Variants in ABCA13 observed in about 807,000 individuals in gnomAD.
ABCA13 encodes the protein ATP-binding cassette sub-family A member 13.
Under a neutral mutation model 478.7 loss-of-function variants are expected in ABCA13, and 476 were observed. The observed-to-expected ratio is 0.99, with a 90% CI of 0.92 to 1.07. ABCA13 has a LOEUF of 1.07. Ranked by LOEUF, ABCA13 falls within the 50% of genes least tolerant of loss-of-function variation. ABCA13 has a pLI of 0.00. For missense variants in ABCA13, 6,060 were observed against 5,910.6 expected (o/e 1.03, Z -0.83); for synonymous variants, 2,252 against 2,158.9 (o/e 1.04, Z -1.20).
chr7:48,258,727 T>A (rs1362448400), intron 15 of ABCA13, among the ~76,000 whole-genome samples: 2 of 152,166 alleles, frequency 1.3e-5, no homozygotes, highest in Non-Finnish European at 2.9e-5. Context: ...TATATCTTTC[T>A]AAATTTTTGA....
chr7:48,269,238 A>C, intron 16 of ABCA13, 144 bp downstream of exon 16: 1 of 567,700 alleles, frequency 1.8e-6, no homozygotes, highest in South Asian at 2.4e-5. Context: ...CTGTTCAATA[A>C]ATATTCCTTT....
chr7:48,431,010 G>C (rs1822068952), intron 42 of ABCA13, among the ~76,000 whole-genome samples: 1 of 151,990 alleles, frequency 6.6e-6, no homozygotes, highest in Non-Finnish European at 1.5e-5. Context: ...TGCTTCAGCT[G>C]TACCCTGTAA....
At chr7:48,368,451 A>G (rs1033710284) in intron 32 of ABCA13, among the ~76,000 whole-genome samples, 1 of 151,820 alleles carries the variant, frequency 6.6e-6, no homozygotes, top group Non-Finnish European at 1.5e-5. Context: ...TCTTTTATCA[A>G]TCACCATCCC....
intron 42 of ABCA13, among the ~76,000 whole-genome samples, chr7:48,452,311 G>T (rs1287073603): frequency 6.6e-6 from 1 of 152,152 alleles, no homozygotes; most frequent in Non-Finnish European, 1.5e-5. Flanking sequence ...ATTCAGAGAG[G>T]TTAAATAATG....
At chr7:48,543,121 T>C (rs948839614) in intron 55 of ABCA13, among the ~76,000 whole-genome samples, 3 of 151,802 alleles carry the variant, frequency 2.0e-5, no homozygotes, top group African/African-American at 2.4e-5. Flanking sequence ...ACATTGTTTA[T>C]TCAATAAGGA....
chr7:48,387,826 A>G lies in ABCA13; in HGVS notation c.11340A>G (p.Thr3780=), dbSNP rs1217072507. 1 of 1,574,216 alleles carries G rather than the reference A, an allele frequency of 6.4e-7. No individual in the cohort carries two copies. The highest frequency in any genetic ancestry group is 1.4e-5 in the African/African-American group (1 of 72,876). The stretch of plus-strand genomic sequence containing the variant: ...TTTAATTGTTTCATTTTTTAGGAAC[A>G]TTTGGTTTACGGAAACCATGGTATT... The part of the protein sequence containing the change: ...GWYLSNLIPG[T]FGLRKPWYFP... Residue 3780 remains threonine, a synonymous_variant, in exon 36 of 62, where the codon ACA becomes ACG. Transcript: ENST00000435803.
At position 48,278,293 on chromosome 7, in the gene ABCA13, A is replaced by C. The variant is rs1393719248; in HGVS notation, c.7099A>C (p.Asn2367His). 2.5e-6 allele frequency: 4 copies of C among 1,612,486 alleles called. No homozygotes were observed. The African/African-American group carries it at 5.3e-5, about 22-fold the overall frequency. ...QGLKFMQDLF[N>H]ALLRETSMKN... ...ACTGAAGTTCATGCAAGATTTATTTAATGCCCTTCTCAGGGAAACTTCAAT... is the reference window on the plus strand; with the variant it reads ...ACTGAAGTTCATGCAAGATTTATTTCATGCCCTTCTCAGGGAAACTTCAAT... The change falls in exon 18 of 62, where the codon AAT (asparagine) becomes CAT (histidine). Residue 2367 changes from asparagine (N) to histidine (H), a missense_variant. Physicochemically the swap from Asn to His is moderately conservative, Grantham distance 68. This residue lies in a region of ABCA13 where 4,423 missense variants were observed against 4,309.1 expected (regional missense o/e 1.03). Transcript: ENST00000435803.
chr7:48,362,972 A>G (rs1811119120), intron 31 of ABCA13, among the ~76,000 whole-genome samples: 1 of 152,114 alleles, frequency 6.6e-6, no homozygotes. Context: ...TGTTTTTCAT[A>G]TCATTTCTGC....
chr7:48,640,828 C>A (rs1795053210), intron 59 of ABCA13, among the ~76,000 whole-genome samples: 1 of 152,104 alleles, frequency 6.6e-6, no homozygotes, highest in Admixed American at 6.5e-5. Context: ...AGGTGCCATG[C>A]TTTTATAATT....
rs192256051 is a variant in ABCA13 at position 48,510,169 on chromosome 7, G to T, written c.13525-915G>T. On this transcript the variant is annotated intron_variant, in intron 50 of 61. Coordinates refer to ENST00000435803, the MANE Select transcript of ABCA13 (RefSeq NM_152701.5). ...AGTAAACAAACAAATAAATAAATGC[G>T]CAGGATACAGTTGGCCATGACTGGG... 1.0e-4 allele frequency among the ~76,000 whole-genome samples: 4 copies of T among 39,670 alleles called. No individual in the cohort carries two copies. In the South Asian group the frequency reaches 4.4e-3, roughly 44 times the overall value. The allele number at this position is 39,670 out of a possible 152,430, so 26.0% of individuals were successfully genotyped here.
At position 48,310,175 on chromosome 7, in the gene ABCA13, T is replaced by C. The variant is rs1373091919; in HGVS notation, c.9516+34T>C. 1.9e-6 allele frequency: 3 copies of C among 1,572,750 alleles called. No homozygotes were observed. In the African/African-American group the frequency reaches 4.0e-5, roughly 21 times the overall value. On this transcript the variant is annotated intron_variant, in intron 24 of 61. Transcript: ENST00000435803. ...AGCATGCTGGCTGGGGGCAGTCCTC[T>C]GCAGGACTCTGCTGTGGTGGCTGCA... is the stretch of plus-strand genomic sequence containing the variant.
At chr7:48,287,330 G>A (rs1173215566) in intron 19 of ABCA13, among the ~76,000 whole-genome samples, 5 of 152,190 alleles carry the variant, frequency 3.3e-5, no homozygotes, top group African/African-American at 7.2e-5. Flanking sequence ...GGATCAGAGC[G>A]TAAGGCAGAT....
intron 16 of ABCA13, among the ~76,000 whole-genome samples, chr7:48,269,621 A>G (rs546219148): frequency 6.6e-6 from 1 of 152,308 alleles, no homozygotes; most frequent in African/African-American, 2.4e-5. Flanking sequence ...TGTGGGGTGT[A>G]TTGGAACATG....
chr7:48,483,161 A>G lies in ABCA13; in HGVS notation c.13180A>G (p.Lys4394Glu), dbSNP rs1301681987. 1 of 1,609,222 alleles carries G rather than the reference A, an allele frequency of 6.2e-7. No homozygotes were observed. Among genetic ancestry groups the G allele is most frequent in the Non-Finnish European group, 8.5e-7 (1 of 1,178,388 alleles). ...GNISKPPTLA[K>E]VWYNQKGFHS... ...CATATCAAAACCCCCAACTCTGGCAAAGGTAATCATATTTTTTTATTTTTT... is the reference window on the plus strand; with the variant it reads ...CATATCAAAACCCCCAACTCTGGCAGAGGTAATCATATTTTTTTATTTTTT... The change falls in exon 47 of 62, where the codon AAG becomes GAG. Residue 4394 changes from lysine (K) to glutamate (E), a missense_variant and splice_region_variant. By Grantham distance (56) the Lys-to-Glu change is moderately conservative. Around this residue, in one of 3 missense-constraint regions of ABCA13, gnomAD observed 1,627 missense variants for 1,571.0 expected, o/e 1.04. Coordinates refer to ENST00000435803, the MANE Select transcript of ABCA13 (RefSeq NM_152701.5).
At chr7:48,228,270 C>A (rs1167749132) in intron 6 of ABCA13, among the ~76,000 whole-genome samples, 2 of 152,168 alleles carry the variant, frequency 1.3e-5, no homozygotes, top group African/African-American at 4.8e-5. Flanking sequence ...TGCCTCTGCT[C>A]ATGGCTCAGA....
At chr7:48,595,409 A>T (rs1336093684) in intron 58 of ABCA13, among the ~76,000 whole-genome samples, 1 of 152,232 alleles carries the variant, frequency 6.6e-6, no homozygotes, top group Non-Finnish European at 1.5e-5. Context: ...TGATGTAATA[A>T]AGACCAGGCT....
At chr7:48,568,519 T>A (rs1787298567) in intron 55 of ABCA13, among the ~76,000 whole-genome samples, 5 of 152,046 alleles carry the variant, frequency 3.3e-5, no homozygotes, top group Admixed American at 3.3e-4. Context: ...TTTGATTTAC[T>A]TGTATTCTGT....
chr7:48,449,763 A>T (rs1433498), intron 42 of ABCA13, among the ~76,000 whole-genome samples: 45,308 of 152,106 alleles, frequency 0.3, 6,838 homozygotes, highest in East Asian at 0.38. Context: ...TTATTCTGAA[A>T]TCCAGCATTA....
intron 3 of ABCA13, among the ~76,000 whole-genome samples, chr7:48,200,077 C>T (rs993964441): frequency 1.3e-5 from 2 of 152,188 alleles, no homozygotes; most frequent in Non-Finnish European, 2.9e-5. Flanking sequence ...AAAAATACTA[C>T]TTGAAGGCCA....
Sources: gnomAD v4.1 joint callset for allele counts (sites outside exome capture counted in the v4.1 genomes callset) on GRCh38, gnomAD v4.1.1 for gene constraint, gnomAD v4.1.1 regional missense constraint, MANE v1.5 for transcripts, NCBI Gene and HGNC (gene_info 2026-07-23, HGNC 2026-07-21) for gene names.